PASD1: variants seen among roughly 807,000 people sequenced by gnomAD.
PASD1 encodes the protein PAS domain containing repressor 1.
PASD1 carries 13 observed loss-of-function variants against 58.8 expected under a neutral mutation model. That is an observed-to-expected ratio of 0.22 (90% confidence interval 0.14 to 0.35). The LOEUF is 0.35. PASD1 is among the 10% of genes least tolerant of loss of function. The pLI, the probability that PASD1 is intolerant of heterozygous loss-of-function variation, is 1.00. For synonymous variants in PASD1, 236 were observed against 216.7 expected, an observed-to-expected ratio of 1.09 and a Z score of -0.78; for missense variants, 734 against 568.3, an observed-to-expected ratio of 1.29 and a Z score of -2.96.
At chrX:151,616,085 A>G (rs189036877) in intron 4 of PASD1, among the ~76,000 whole-genome samples, 9 of 112,300 alleles carry the variant, frequency 8.0e-5, no homozygotes, top group Non-Finnish European at 1.7e-4. Flanking sequence ...AATAGAGATG[A>G]TAAAGTCAGA....
At chrX:151,587,225 C>CT (rs33922090) in intron 1 of PASD1, among the ~76,000 whole-genome samples, 36,397 of 82,279 alleles carry the variant, frequency 0.44, 8,338 homozygotes, top group East Asian at 0.87. Flanking sequence ...CTGGGTTTGC[C>CT]TTTTTTTTTT....
chrX:151,589,954 A>T (rs897947453), intron 1 of PASD1, among the ~76,000 whole-genome samples: 1 of 112,251 alleles, frequency 8.9e-6, no homozygotes, highest in African/African-American at 3.2e-5. Flanking sequence ...CAATCCTGTA[A>T]CCTTTTCCAG....
intron 10 of PASD1, among the ~76,000 whole-genome samples, chrX:151,660,772 A>G (rs1001468854): frequency 1.8e-5 from 2 of 112,708 alleles, no homozygotes; most frequent in African/African-American, 3.2e-5. Context: ...TATGGCTGAT[A>G]TGGTAGAAGT....
chrX:151,675,155 C>T (rs1246299253), intron 15 of PASD1, among the ~76,000 whole-genome samples: 1 of 111,949 alleles, frequency 8.9e-6, no homozygotes, highest in Non-Finnish European at 1.9e-5. Flanking sequence ...AGGCTGAGCA[C>T]GTTGCCCAGG....
chrX:151,587,581 ATT>A (rs776550631), intron 1 of PASD1, among the ~76,000 whole-genome samples: 25 of 82,663 alleles, frequency 3.0e-4, no homozygotes, highest in Non-Finnish European at 5.6e-4. Context: ...AATTGAGTTC[ATT>A]TTCTTCATTG....
At chrX:151,673,830 A>G in intron 14 of PASD1, 98 bp from the exon 15 acceptor site, 1 of 1,073,145 alleles carries the variant, frequency 9.3e-7, no homozygotes, top group Non-Finnish European at 1.3e-6. Context: ...AGCCACCAAA[A>G]CCAAATGTGC....
At chrX:151,645,547 G>A (rs1203740847) in intron 8 of PASD1, 2 of 112,170 alleles carry the variant, frequency 1.8e-5, no homozygotes, top group Non-Finnish European at 3.8e-5. Context: ...GAAGAAACAT[G>A]AAGGGCTCGA....
rs775644812 is a variant in PASD1, at chrX:151,648,747, C to T, written c.717+45C>T. The stretch of plus-strand genomic sequence containing the variant: ...TAGACTACAATCTTAGACCCTTATC[C>T]GTGTGATGTTGATTATTTAGTTAAT... On this transcript the variant is annotated intron_variant, in intron 9 of 15. Coordinates refer to ENST00000370357, the MANE Select transcript of PASD1 (RefSeq NM_173493.3). 1.6e-5 allele frequency: 19 copies of T among 1,160,446 alleles called. 1 individual carries two copies. The highest frequency in any genetic ancestry group is 9.2e-5 in the South Asian group (5 of 54,105).
Position 151,620,931 on chromosome X carries a change from C to A in PASD1, c.209C>A (p.Ala70Asp). The stretch of plus-strand genomic sequence containing the variant: ...CCTCCTCCTCTCCTCTCCTGCCAGG[C>A]TGAGATTGTGGGCAAAAAATTATTA... ...NISSLLGHLP[A>D]EIVGKKLLSL... Residue 70 changes from alanine to aspartate, a missense_variant and splice_region_variant, in exon 5 of 16, where the codon GCT (alanine) becomes GAT (aspartate). Physicochemically the swap from Ala to Asp is moderately radical, Grantham distance 126 (BLOSUM62 -2). Coordinates refer to ENST00000370357, the MANE Select transcript of PASD1 (RefSeq NM_173493.3). 5.8e-6 allele frequency: 7 copies of A among 1,202,172 alleles called. No individual in the cohort carries two copies. The highest frequency in any genetic ancestry group is 7.9e-6 in the Non-Finnish European group (7 of 888,759).
chrX:151,583,987 A>G (rs1348503063), intron 1 of PASD1, among the ~76,000 whole-genome samples: 3 of 111,916 alleles, frequency 2.7e-5, no homozygotes. Context: ...TATGAATTTA[A>G]TGGATTAATA....
chrX:151,592,236 T>G (rs2013260461), intron 1 of PASD1, among the ~76,000 whole-genome samples: 1 of 112,455 alleles, frequency 8.9e-6, no homozygotes, highest in South Asian at 3.7e-4. Flanking sequence ...TATGTTAATT[T>G]GTACATTAGT....
At chrX:151,617,946 C>T (rs2013658232) in intron 4 of PASD1, among the ~76,000 whole-genome samples, 1 of 111,895 alleles carries the variant, frequency 8.9e-6, no homozygotes, top group Non-Finnish European at 1.9e-5. Context: ...AATTGTTTAT[C>T]GTGTGTTAGA....
intron 15 of PASD1, among the ~76,000 whole-genome samples, chrX:151,675,608 C>G (rs1396581071): frequency 1.8e-5 from 2 of 112,272 alleles, no homozygotes; most frequent in East Asian, 2.8e-4. Flanking sequence ...TCTCCTGTCA[C>G]TTTGTTAAAG....
intron 1 of PASD1, among the ~76,000 whole-genome samples, chrX:151,590,182 A>G (rs924550890): frequency 3.6e-5 from 4 of 112,161 alleles, no homozygotes; most frequent in Admixed American, 9.5e-5. Context: ...AATGCCACAA[A>G]TATAGACATT....
intron 11 of PASD1, among the ~76,000 whole-genome samples, chrX:151,667,900 T>G: frequency 8.9e-6 from 1 of 111,803 alleles, no homozygotes. Flanking sequence ...TAAAGTAGTT[T>G]TTTCCGATTC....
intron 3 of PASD1, among the ~76,000 whole-genome samples, chrX:151,611,424 T>C (rs755383713): frequency 2.5e-4 from 28 of 112,329 alleles, no homozygotes; most frequent in African/African-American, 8.7e-4. Context: ...TAATTGGGTG[T>C]ACATTGAAAT....
intron 1 of PASD1, among the ~76,000 whole-genome samples, chrX:151,589,882 G>GT (rs201527004): frequency 0.012 from 1,400 of 112,445 alleles, 20 homozygotes; most frequent in African/African-American, 0.042. Flanking sequence ...TTCTCATTCT[G>GT]TTTTCTACAC....
intron 1 of PASD1, among the ~76,000 whole-genome samples, chrX:151,576,490 G>C (rs1483474894): frequency 8.9e-6 from 1 of 112,362 alleles, no homozygotes; most frequent in African/African-American, 3.2e-5. Context: ...GGATGTTCTT[G>C]ATTTTCACCA....
intron 8 of PASD1, among the ~76,000 whole-genome samples, chrX:151,634,056 C>T (rs1224313138): frequency 8.9e-6 from 1 of 111,923 alleles, no homozygotes; most frequent in Non-Finnish European, 1.9e-5. Context: ...TTACCTCTTT[C>T]TTATCTTGAG....
Sources: gnomAD v4.1 joint callset for allele counts (sites outside exome capture counted in the v4.1 genomes callset) on GRCh38, gnomAD v4.1.1 for gene constraint, MANE v1.5 for transcripts, NCBI Gene and HGNC (gene_info 2026-07-23, HGNC 2026-07-21) for gene names.